The following SHROOM3 variants were observed in gnomAD, a reference collection of about 807,000 sequenced individuals.
SHROOM3 encodes shroom family member 3, also known as protein Shroom3.
A neutral mutation model predicts 138.6 loss-of-function variants in SHROOM3; 47 were observed. That is an observed-to-expected ratio of 0.34 (90% CI 0.27 to 0.43). The LOEUF (loss-of-function observed/expected upper bound fraction) is 0.43, where lower values mean the gene tolerates loss of function less well. Ranked by LOEUF, SHROOM3 falls within the 20% of genes least tolerant of loss-of-function variation. SHROOM3 has a pLI of 1.00. For synonymous variants in SHROOM3, 1,062 were observed against 1,063.3 expected (o/e 1.00, Z 0.02); for missense variants, 2,491 against 2,596.5 (o/e 0.96, Z 0.88).
chr4:76,687,034 A>G (rs1341961397), intron 2 of SHROOM3, among the ~76,000 whole-genome samples: 1 of 152,198 alleles, frequency 6.6e-6, no homozygotes, highest in African/African-American at 2.4e-5. Context: ...CCAGCACCAG[A>G]GGTGGCTTTG....
At chr4:76,626,275 A>G (rs1313748071) in intron 2 of SHROOM3, among the ~76,000 whole-genome samples, 1 of 152,124 alleles carries the variant, frequency 6.6e-6, no homozygotes, top group Non-Finnish European at 1.5e-5. Flanking sequence ...CTAGGTGGAG[A>G]TAGTTTTAAA....
intron 1 of SHROOM3, among the ~76,000 whole-genome samples, chr4:76,471,945 G>C (rs1263965561): frequency 6.6e-6 from 1 of 152,124 alleles, no homozygotes; most frequent in African/African-American, 2.4e-5. Context: ...TGTCTCTGCT[G>C]TTTGTTAGTT....
At chr4:76,567,424 G>A (rs1185744900) in intron 2 of SHROOM3, among the ~76,000 whole-genome samples, 1 of 152,132 alleles carries the variant, frequency 6.6e-6, no homozygotes, top group African/African-American at 2.4e-5. Flanking sequence ...TCCAAGGCGG[G>A]TGAATCATGA....
At chr4:76,653,041 A>G (rs7656480) in intron 2 of SHROOM3, among the ~76,000 whole-genome samples, 46,847 of 151,738 alleles carry the variant, frequency 0.31, 7,345 homozygotes, top group East Asian at 0.43. Flanking sequence ...TTTACAGTCT[A>G]ACTTCAAAGC....
At chr4:76,508,570 T>C (rs1054079780) in intron 1 of SHROOM3, among the ~76,000 whole-genome samples, 16 of 152,346 alleles carry the variant, frequency 1.1e-4, no homozygotes, top group Middle Eastern at 3.4e-3. Flanking sequence ...AAAATCGCTT[T>C]TCAGTTGCTG....
chr4:76,673,864 A>T (rs1315099726), intron 2 of SHROOM3, among the ~76,000 whole-genome samples: 2 of 152,164 alleles, frequency 1.3e-5, no homozygotes, highest in Non-Finnish European at 2.9e-5. Flanking sequence ...GTTGTGTTTT[A>T]AAAATATTTA....
intron 2 of SHROOM3, chr4:76,586,082 C>T (rs1734145125): frequency 2.4e-5 from 5 of 210,708 alleles, no homozygotes; most frequent in Non-Finnish European, 3.3e-5. Context: ...ACGCCGGAGT[C>T]GGCGTGCCAG....
At chr4:76,706,061 C>T (rs1466836562) in intron 2 of SHROOM3, among the ~76,000 whole-genome samples, 3 of 152,166 alleles carry the variant, frequency 2.0e-5, no homozygotes, top group East Asian at 1.9e-4. Flanking sequence ...ATATGCATTA[C>T]GTACTGTATT....
At chr4:76,457,727 G>A (rs965056377) in intron 1 of SHROOM3, among the ~76,000 whole-genome samples, 11 of 151,426 alleles carry the variant, frequency 7.3e-5, no homozygotes, top group African/African-American at 2.4e-4. Flanking sequence ...CCTGACCTCA[G>A]GATCTGCCCG....
intron 1 of SHROOM3, among the ~76,000 whole-genome samples, chr4:76,517,325 T>C (rs1380634731): frequency 6.6e-6 from 1 of 152,168 alleles, no homozygotes; most frequent in Non-Finnish European, 1.5e-5. Context: ...TCACCTGGAC[T>C]ATCAAAGATA....
At chr4:76,512,342 A>ATGCC (rs1470441726) in intron 1 of SHROOM3, among the ~76,000 whole-genome samples, 1 of 152,156 alleles carries the variant, frequency 6.6e-6, no homozygotes, top group Non-Finnish European at 1.5e-5. Context: ...GAGAGGAAGG[A>ATGCC]GGGCAGGTTA....
intron 2 of SHROOM3, among the ~76,000 whole-genome samples, chr4:76,603,050 G>A (rs1336063342): frequency 6.6e-6 from 1 of 152,124 alleles, no homozygotes; most frequent in East Asian, 1.9e-4. Flanking sequence ...ACCCATTGCA[G>A]CTTTCCCAAG....
intron 2 of SHROOM3, among the ~76,000 whole-genome samples, chr4:76,702,838 G>A (rs1241787709): frequency 6.6e-6 from 1 of 152,184 alleles, no homozygotes; most frequent in Non-Finnish European, 1.5e-5. Flanking sequence ...AACTGAAGCA[G>A]ATTAATATTT....
intron 4 of SHROOM3, among the ~76,000 whole-genome samples, chr4:76,735,888 T>A (rs1254196605): frequency 2.4e-5 from 3 of 124,196 alleles, no homozygotes; most frequent in South Asian, 2.9e-4. Context: ...TATATATATA[T>A]ATATATATAT....
Position 76,782,640 on chromosome 4 carries a change from C to A in SHROOM3, c.*3463C>A, listed in dbSNP as rs1193348084. 1 of 152,136 alleles carries A rather than the reference C, an allele frequency of 6.6e-6. No homozygotes were observed. The highest frequency in any genetic ancestry group is 1.5e-5 in the Non-Finnish European group (1 of 68,036). 9.4% of individuals were successfully genotyped at this position (152,136 alleles called of 1,614,324 possible). ...GTTTAATTGTCCATGGTAGTGCTGG[C>A]TTCATTGTTAGGTTGGAGTTATTAT... is the stretch of plus-strand genomic sequence containing the variant. On this transcript the variant is annotated 3_prime_UTR_variant, in exon 11 of 11. Transcript: ENST00000296043.
intron 1 of SHROOM3, among the ~76,000 whole-genome samples, chr4:76,503,788 AT>A (rs1367280389): frequency 3.9e-5 from 6 of 152,226 alleles, no homozygotes; most frequent in Non-Finnish European, 7.3e-5. Context: ...TCAGCAAAGT[AT>A]ATCTGTGGAA....
Position 76,741,470 on chromosome 4 carries a change from C to T in SHROOM3, c.3297C>T (p.Thr1099=). Residue 1099 remains threonine (T), a synonymous_variant, in exon 5 of 11, where the codon ACC becomes ACT. Coordinates refer to ENST00000296043, the MANE Select transcript of SHROOM3 (RefSeq NM_020859.4). This position sits in a 1 kb window ranked among gnomAD's most constrained non-coding sequence, Gnocchi z 6.2. ...YIQRKTGKRP[T]SAAGCSLQEP... ...AGCGCAAGACCGGCAAGCGGCCTAC[C>T]TCCGCCGCCGGCTGCAGCCTCCAGG... 6.4e-7 allele frequency: 1 copy of T among 1,564,324 alleles called. No homozygotes were observed. The highest frequency in any genetic ancestry group is 8.6e-7 in the Non-Finnish European group (1 of 1,158,358).
At chr4:76,681,280 G>A (rs1439459612) in intron 2 of SHROOM3, among the ~76,000 whole-genome samples, 1 of 152,036 alleles carries the variant, frequency 6.6e-6, no homozygotes, top group Admixed American at 6.6e-5. Flanking sequence ...ATCCTTCCCT[G>A]ACATAAATAT....
chr4:76,441,009 C>T (rs1434766339), intron 1 of SHROOM3, among the ~76,000 whole-genome samples: 1 of 149,368 alleles, frequency 6.7e-6, no homozygotes, highest in African/African-American at 2.5e-5. Flanking sequence ...GCTTTCCATT[C>T]TTTATCTATG....
Sources: allele counts gnomAD v4.1 joint callset (sites outside exome capture counted in the v4.1 genomes callset), GRCh38; gene constraint gnomAD v4.1.1; non-coding constraint Gnocchi (gnomAD v3.1); transcripts MANE v1.5; gene names NCBI Gene and HGNC (gene_info 2026-07-23, HGNC 2026-07-21).